The following UTRN variants were observed in gnomAD, a reference collection of about 807,000 sequenced individuals.
The protein encoded by UTRN is dystrophin-related protein 1.
Under a neutral mutation model 463.9 loss-of-function variants are expected in UTRN, and 283 were observed. That is an observed-to-expected ratio of 0.61 (90% confidence interval 0.55 to 0.67). The LOEUF is 0.67. Ranked by LOEUF, UTRN falls within the 30% of genes least tolerant of loss-of-function variation. The pLI, the probability that UTRN is intolerant of heterozygous loss-of-function variation, is 0.00. For synonymous variants in UTRN, 1,442 were observed against 1,431.5 expected (o/e 1.01, Z -0.17); for missense variants, 3,922 against 4,084.3 (o/e 0.96, Z 1.08).
chr6:144,695,177 CATA>C (rs1279649094), intron 52 of UTRN, among the ~76,000 whole-genome samples: 1 of 152,016 alleles, frequency 6.6e-6, no homozygotes, highest in Admixed American at 6.6e-5. Context: ...CTGCTAAGAT[CATA>C]ATAACAGCTA....
chr6:144,798,229 G>A (rs965746114), intron 64 of UTRN, among the ~76,000 whole-genome samples: 1 of 152,116 alleles, frequency 6.6e-6, no homozygotes. Context: ...CAGAACCAGA[G>A]ATTTTTATGA....
Position 144,494,250 on chromosome 6 carries a change from C to T in UTRN, c.4593+794C>T, listed in dbSNP as rs369770307. Among the ~76,000 whole-genome samples the T allele has an allele frequency of 7.2e-4, 110 of 152,128 alleles. 1 individual carries two copies. The East Asian group carries it at 7.9e-3, about 11-fold the overall frequency. ...TTGTTCCTTCTGATGTTCGGATGTG[C>T]TTGGAGTTTCTTCCTTCTGGTGGGT... On this transcript the variant is annotated intron_variant, in intron 33 of 74. Transcript: ENST00000367545.
At chr6:144,721,218 T>C (rs1262207912) in intron 53 of UTRN, among the ~76,000 whole-genome samples, 7 of 152,108 alleles carry the variant, frequency 4.6e-5, no homozygotes, top group Non-Finnish European at 1.0e-4. Flanking sequence ...TTGTTGCTGT[T>C]GTTGTTGTTT....
chr6:144,495,344 C>T (rs1221874388), intron 33 of UTRN, among the ~76,000 whole-genome samples: 2 of 152,268 alleles, frequency 1.3e-5, no homozygotes, highest in East Asian at 1.9e-4. Context: ...CGCCGGTGGG[C>T]TGGCACTGCT....
At chr6:144,326,471 A>G (rs1402315060) in intron 2 of UTRN, among the ~76,000 whole-genome samples, 1 of 152,156 alleles carries the variant, frequency 6.6e-6, no homozygotes, top group Non-Finnish European at 1.5e-5. Context: ...TATCCAAATT[A>G]TTTTGAGGCA....
At chr6:144,835,729 ACAT>A in intron 69 of UTRN, 48 bp from the exon 70 acceptor site, 1 of 1,603,260 alleles carries the variant, frequency 6.2e-7, no homozygotes, top group Non-Finnish European at 8.5e-7. Flanking sequence ...ATGTCCAAAA[ACAT>A]CACCATCCAG....
chr6:144,347,375 G>GTCCCCC (rs1777676079), intron 2 of UTRN, among the ~76,000 whole-genome samples: 1 of 152,246 alleles, frequency 6.6e-6, no homozygotes. Context: ...CCACTAGACT[G>GTCCCCC]AAAGCTCCAT....
chr6:144,423,391 C>A lies in UTRN; in HGVS notation c.235-158C>A, dbSNP rs150069455. Among the ~76,000 whole-genome samples, 46 of 152,314 alleles carry A rather than the reference C, an allele frequency of 3.0e-4. No individual in the cohort carries two copies. The Middle Eastern group carries it at 0.014, about 45-fold the overall frequency. ...TTGAGGGATTTTCATACTGTGAACA[C>A]CAGCTTCCAGGGTGGTAACCTGAGA... On this transcript the variant is annotated intron_variant, in intron 4 of 74. Transcript: ENST00000367545.
At chr6:144,739,212 C>G (rs143944033) in intron 54 of UTRN, among the ~76,000 whole-genome samples, 7 of 151,978 alleles carry the variant, frequency 4.6e-5, no homozygotes, top group African/African-American at 1.7e-4. Context: ...TATTTTTCTT[C>G]CCTGTAAAAT....
chr6:144,635,513 TC>T lies in UTRN; in HGVS notation c.7480-42892del, dbSNP rs1777034362. On this transcript the variant is annotated intron_variant, in intron 51 of 74. Transcript: ENST00000367545. ...TTACTTAGCAGCTAGCCTTTTTTTT[TC>T]TTTTTTTTTTTTTTTCTTTTCTTTT... is the stretch of plus-strand genomic sequence containing the variant. 2.0e-3 allele frequency among the ~76,000 whole-genome samples: 146 copies of T among 72,628 alleles called. 4 individuals carry two copies. The highest frequency in any genetic ancestry group is 6.9e-3 in the African/African-American group (140 of 20,278). The allele number at this position is 72,628 out of a possible 152,430, so 47.6% of individuals were successfully genotyped here.
intron 50 of UTRN, among the ~76,000 whole-genome samples, chr6:144,565,472 G>A (rs1198101154): frequency 6.6e-6 from 1 of 151,996 alleles, no homozygotes; most frequent in Non-Finnish European, 1.5e-5. Flanking sequence ...AAGAAGAGAG[G>A]GGTATGCTTA....
In UTRN at chr6:144,771,934, C is replaced by T. The variant is rs776988013; in HGVS notation, c.8523C>T (p.Asp2841=). ...INHQTQTTCW[D]HPKMTELFQS... is the part of the protein sequence containing the mutation. ...ATCAAACACAGACCACCTGTTGGGACCATCCTAAAATGACCGAACTCTTTC... is the reference window on the plus strand; with the variant it reads ...ATCAAACACAGACCACCTGTTGGGATCATCCTAAAATGACCGAACTCTTTC... The change falls in exon 59 of 75, where the codon GAC becomes GAT. Residue 2841 remains aspartate, a synonymous_variant. Coordinates refer to ENST00000367545, the MANE Select transcript of UTRN (RefSeq NM_007124.3). 2 of 1,578,856 alleles carry T rather than the reference C, an allele frequency of 1.3e-6. No individual in the cohort carries two copies. The highest frequency in any genetic ancestry group is 3.6e-5 in the Admixed American group (2 of 55,788).
intron 51 of UTRN, among the ~76,000 whole-genome samples, chr6:144,662,191 AT>A (rs2128672884): frequency 6.6e-6 from 1 of 152,266 alleles, no homozygotes; most frequent in African/African-American, 2.4e-5. Context: ...ACATGAATGT[AT>A]TCTTTCCAAA....
chr6:144,648,003 T>C (rs1367444826), intron 51 of UTRN, among the ~76,000 whole-genome samples: 2 of 152,244 alleles, frequency 1.3e-5, no homozygotes, highest in African/African-American at 4.8e-5. Context: ...GCTATTTATG[T>C]CACCTATACT....
chr6:144,572,896 C>G (rs1052328488), intron 50 of UTRN, among the ~76,000 whole-genome samples: 1 of 152,118 alleles, frequency 6.6e-6, no homozygotes, highest in African/African-American at 2.4e-5. Context: ...GATTTATAAT[C>G]TTTTGCATAT....
At chr6:144,403,689 T>TG (rs1783125570) in intron 3 of UTRN, among the ~76,000 whole-genome samples, 1 of 152,206 alleles carries the variant, frequency 6.6e-6, no homozygotes, top group African/African-American at 2.4e-5. Context: ...ACCCCAAAGA[T>TG]CTACTCTTAG....
At chr6:144,557,820 G>A (rs534070602) in intron 50 of UTRN, among the ~76,000 whole-genome samples, 18 of 152,038 alleles carry the variant, frequency 1.2e-4, no homozygotes, top group African/African-American at 4.3e-4. Flanking sequence ...CCATTACTTT[G>A]TCTAGTCAGA....
intron 58 of UTRN, among the ~76,000 whole-genome samples, chr6:144,769,446 T>G (rs1793759402): frequency 6.6e-6 from 1 of 152,174 alleles, no homozygotes; most frequent in South Asian, 2.1e-4. Flanking sequence ...GAGATGCCCG[T>G]TCCCTCCCTC....
At chr6:144,349,048 C>T (rs1351626126) in intron 2 of UTRN, among the ~76,000 whole-genome samples, 6 of 151,908 alleles carry the variant, frequency 3.9e-5, no homozygotes, top group Non-Finnish European at 7.4e-5. Flanking sequence ...CTCGCTCTGT[C>T]GCCCAGGCTG....
Sources: allele counts gnomAD v4.1 joint callset (sites outside exome capture counted in the v4.1 genomes callset), GRCh38; gene constraint gnomAD v4.1.1; transcripts MANE v1.5; gene names NCBI Gene and HGNC (gene_info 2026-07-23, HGNC 2026-07-21).